Variants in ACCSL observed in about 807,000 individuals in gnomAD.
The protein encoded by ACCSL is 1-aminocyclopropane-1-carboxylate synthase homolog (inactive) like, also known as probable inactive 1-aminocyclopropane-1-carboxylate synthase-like protein 2.
In ACCSL, 55 loss-of-function variants were observed where a neutral mutation model predicts 61.7. The observed-to-expected ratio is 0.89, with a 90% CI of 0.72 to 1.12. The LOEUF (loss-of-function observed/expected upper bound fraction) is 1.12, where lower values mean the gene tolerates loss of function less well. Ranked by LOEUF, ACCSL falls within the 50% of genes most tolerant of loss-of-function variation. The pLI, the probability that ACCSL is intolerant of heterozygous loss-of-function variation, is 0.00. For synonymous variants in ACCSL, 258 were observed against 264.3 expected (o/e 0.98, Z 0.23); for missense variants, 632 against 698.0 (o/e 0.91, Z 1.07).
the ACCSL span, among the ~76,000 whole-genome samples, chr11:44,022,443 C>T: frequency 1.3e-5 from 2 of 152,098 alleles, no homozygotes; most frequent in Middle Eastern, 3.2e-3. Flanking sequence ...AGCAGTGCTA[C>T]CGATTTGTGT....
At position 44,048,292 on chromosome 11, in the gene ACCSL, G is replaced by A. The variant is rs1451615718; in HGVS notation, c.256G>A (p.Ala86Thr). 4 of 1,614,022 alleles carry A rather than the reference G, an allele frequency of 2.5e-6. No homozygotes were observed. Among genetic ancestry groups the A allele is most frequent in the Non-Finnish European group, 3.4e-6 (4 of 1,180,036 alleles). The stretch of plus-strand genomic sequence containing the variant: ...GATGATCAACCTCCTACAGTCTGGG[G>A]CCGCGAGTGGCCTGGAGCTCCAAGT... ...CRMINLLQSGAASGLELQVPL... is the reference protein window; with the variant it reads ...CRMINLLQSGTASGLELQVPL... Residue 86 changes from alanine to threonine, a missense_variant, in exon 1 of 14, where the codon GCC (alanine) becomes ACC (threonine). Ala to Thr is a moderately conservative substitution (Grantham distance 58). Coordinates refer to ENST00000378832, the MANE Select transcript of ACCSL (RefSeq NM_001031854.2).
At chr11:44,025,219 G>A in the ACCSL span, among the ~76,000 whole-genome samples, 1 of 152,014 alleles carries the variant, frequency 6.6e-6, no homozygotes, top group Non-Finnish European at 1.5e-5. Flanking sequence ...TTTTCTAAAT[G>A]TCCTATGTCT....
At chr11:44,053,645 T>A in intron 8 of ACCSL, 139 bp downstream of exon 8, 1 of 729,516 alleles carries the variant, frequency 1.4e-6, no homozygotes. Context: ...GTGGATCACT[T>A]GAGGTCAGGA....
chr11:43,971,206 GCCTATAGT>G, the ACCSL span, among the ~76,000 whole-genome samples: 4 of 150,540 alleles, frequency 2.7e-5, no homozygotes, highest in African/African-American at 9.8e-5. Flanking sequence ...GGTGGCACAT[GCCTATAGT>G]CCCAGCTACT....
the ACCSL span, among the ~76,000 whole-genome samples, chr11:43,978,799 T>G: frequency 1.4e-5 from 2 of 147,310 alleles, no homozygotes; most frequent in East Asian, 2.0e-4. Flanking sequence ...TTTTTTTTTT[T>G]TTTTTTTTTT....
chr11:44,002,101 G>A, the ACCSL span, among the ~76,000 whole-genome samples: 2 of 152,116 alleles, frequency 1.3e-5, no homozygotes, highest in African/African-American at 2.4e-5. Flanking sequence ...GACAAGGAGG[G>A]GGGAAGTGTT....
the ACCSL span, among the ~76,000 whole-genome samples, chr11:43,988,841 G>T: frequency 7.2e-6 from 1 of 139,332 alleles, no homozygotes; most frequent in African/African-American, 2.8e-5. Flanking sequence ...TGGAGACAGG[G>T]TCTGGGCTGG....
At chr11:44,003,416 G>T in the ACCSL span, among the ~76,000 whole-genome samples, 1 of 152,174 alleles carries the variant, frequency 6.6e-6, no homozygotes, top group Non-Finnish European at 1.5e-5. Context: ...ACTTTGGGAG[G>T]CTGAGGTGGG....
intron 5 of ACCSL, among the ~76,000 whole-genome samples, chr11:44,052,421 T>G (rs1380679310): frequency 6.6e-6 from 1 of 152,256 alleles, no homozygotes; most frequent in Non-Finnish European, 1.5e-5. Context: ...CTCAGTGATA[T>G]TCTTCCCTCT....
the ACCSL span, among the ~76,000 whole-genome samples, chr11:43,978,003 CTTTTTTTTT>C: frequency 2.0e-5 from 2 of 97,652 alleles, no homozygotes; most frequent in Non-Finnish European, 3.9e-5. Flanking sequence ...CTAGGAAGCT[CTTTTTTTTT>C]TTTTTTTTTT....
Position 44,050,641 on chromosome 11 carries a change from T to C in ACCSL, c.635+19T>C. 1 of 1,611,624 alleles carries C rather than the reference T, an allele frequency of 6.2e-7. No individual in the cohort carries two copies. Among genetic ancestry groups the C allele is most frequent in the Non-Finnish European group, 8.5e-7 (1 of 1,178,160 alleles). ...AGCCATTGTAAGTGACCTTCAGATT[T>C]AGAGTCTCTTGGTCCCACAGGCAGC... On this transcript the variant is annotated intron_variant, in intron 3 of 13. Coordinates refer to ENST00000378832, the MANE Select transcript of ACCSL (RefSeq NM_001031854.2).
At chr11:44,038,451 G>T in the ACCSL span, among the ~76,000 whole-genome samples, 1 of 152,190 alleles carries the variant, frequency 6.6e-6, no homozygotes, top group Non-Finnish European at 1.5e-5. Flanking sequence ...TGATAAAAGA[G>T]CTTAGACTTG....
At chr11:43,953,759 C>A in the ACCSL span, among the ~76,000 whole-genome samples, 1 of 152,158 alleles carries the variant, frequency 6.6e-6, no homozygotes, top group Non-Finnish European at 1.5e-5. Context: ...GAGAATTGCC[C>A]ACTCCTTTCC....
Position 44,058,590 on chromosome 11 carries a change from C to A in ACCSL, c.1515C>A (p.Cys505Ter). Residue 505 changes from cysteine (C) to a stop codon, truncating the protein, a stop_gained, in exon 13 of 14, where the codon TGC (cysteine) becomes TGA (stop). Transcript: ENST00000378832. LOFTEE classifies it high-confidence loss of function. Reference protein sequence around the residue: ...CTFEEERLLYCRFLDNKLLLS... With the variant: ...CTFEEERLLY ...TTGAAGAAGAACGGCTCCTCTATTG[C>A]CGCTTCCTGGACAACAAGCTATTGT... 1.2e-6 allele frequency: 2 copies of A among 1,614,112 alleles called. No homozygotes were observed. Among genetic ancestry groups the A allele is most frequent in the Non-Finnish European group, 1.7e-6 (2 of 1,180,010 alleles).
chr11:43,939,807 A>C, the ACCSL span, among the ~76,000 whole-genome samples: 5 of 152,068 alleles, frequency 3.3e-5, no homozygotes, highest in Non-Finnish European at 7.4e-5. Context: ...GGGTTTCACC[A>C]TGTTGCCCAG....
chr11:44,010,957 A>T, the ACCSL span, among the ~76,000 whole-genome samples: 29 of 152,320 alleles, frequency 1.9e-4, no homozygotes, highest in African/African-American at 6.5e-4. Flanking sequence ...AAATTGCATG[A>T]TGGAAAAGCT....
chr11:44,023,041 C>CTTTTTTTTTTTTTTTTTT, the ACCSL span, among the ~76,000 whole-genome samples: 10 of 86,450 alleles, frequency 1.2e-4, no homozygotes, highest in East Asian at 3.8e-4. Context: ...TCTTCTTCTT[C>CTTTTTTTTTTTTTTTTTT]TTTTTTTTTT....
rs182409208 is a variant in ACCSL at position 44,059,955 on chromosome 11, C to A, written c.*35C>A. 368 of 1,598,974 alleles carry A rather than the reference C, an allele frequency of 2.3e-4. 1 individual carries two copies. In the East Asian group the frequency reaches 8.1e-3, roughly 35 times the overall value. On this transcript the variant is annotated 3_prime_UTR_variant, in exon 14 of 14. Transcript: ENST00000378832. ...CTCCCAACCAGCAGTTCCAGCCCAT[C>A]ACTTGCTCAGGGACCCCCTAATGTC...
chr11:43,948,723 C>T, the ACCSL span, among the ~76,000 whole-genome samples: 8 of 152,180 alleles, frequency 5.3e-5, no homozygotes, highest in Admixed American at 3.3e-4. Flanking sequence ...ACCCTCCCAC[C>T]TCAGCCTCCC....
Sources: gnomAD v4.1 joint callset for allele counts (sites outside exome capture counted in the v4.1 genomes callset) on GRCh38, gnomAD v4.1.1 for gene constraint, MANE v1.5 for transcripts, NCBI Gene and HGNC (gene_info 2026-07-23, HGNC 2026-07-21) for gene names.